The following CFAP97 variants were observed in gnomAD, a reference collection of about 807,000 sequenced individuals.
The protein encoded by CFAP97 is cilia and flagella associated protein 97.
CFAP97 carries 36 observed loss-of-function variants against 43.1 expected under a neutral mutation model. That is an observed-to-expected ratio of 0.84 (90% confidence interval 0.64 to 1.10). The LOEUF is 1.10. Ranked by LOEUF, CFAP97 falls within the 50% of genes least tolerant of loss-of-function variation. CFAP97 has a pLI of 0.00. For synonymous variants in CFAP97, 228 were observed against 225.7 expected (o/e 1.01, Z -0.09); for missense variants, 657 against 620.3 (o/e 1.06, Z -0.63).
chr4:185,175,645 T>C (rs1022905452), intron 3 of CFAP97, 141 bp downstream of exon 3: 19 of 717,152 alleles, frequency 2.6e-5, no homozygotes, highest in Non-Finnish European at 3.9e-5. Context: ...CAGCACATCA[T>C]ATGTTTCATA....
At chr4:185,192,735 T>G (rs1462915616) in intron 1 of CFAP97, among the ~76,000 whole-genome samples, 2 of 66,906 alleles carry the variant, frequency 3.0e-5, no homozygotes, top group Admixed American at 2.9e-4. Flanking sequence ...TTGACCTTCT[T>G]TTTTTTTTTT....
upstream of CFAP97, among the ~76,000 whole-genome samples, chr4:185,208,621 G>C (rs986366632): frequency 6.6e-6 from 1 of 151,862 alleles, no homozygotes; most frequent in Non-Finnish European, 1.5e-5. Context: ...CCAGCTACTC[G>C]GGAGGCTGAG....
chr4:185,191,915 T>TA (rs918019405), intron 1 of CFAP97, among the ~76,000 whole-genome samples: 51 of 151,302 alleles, frequency 3.4e-4, no homozygotes, highest in Middle Eastern at 3.4e-3. Context: ...AGGATAGAGT[T>TA]AAAAAAAAAC....
intron 3 of CFAP97, chr4:185,170,354 TA>T (rs1328280440): frequency 7.4e-6 from 4 of 538,042 alleles, no homozygotes; most frequent in Non-Finnish European, 1.3e-5. Flanking sequence ...AATAAATAAA[TA>T]AAATAAAGTT....
intron 1 of CFAP97, among the ~76,000 whole-genome samples, chr4:185,200,414 C>A (rs1019263294): frequency 1.3e-5 from 2 of 152,136 alleles, no homozygotes; most frequent in Non-Finnish European, 1.5e-5. Flanking sequence ...CTGTGGCAGG[C>A]AAATGACTTG....
At position 185,164,125 on chromosome 4, in the gene CFAP97, C is replaced by T; in HGVS notation, c.1375G>A (p.Glu459Lys). The T allele has an allele frequency of 6.2e-7, 1 of 1,613,844 alleles. No homozygotes were observed. Among genetic ancestry groups the T allele is most frequent in the Admixed American group, 1.7e-5 (1 of 60,018 alleles). ...TTGCGATGATAGTCCATCAGTTGTT[C>T]TGAACGTTTCATACCAACTGTTGGT... ...VKPTVGMKRS[E>K]QLMDYHRNMG... Residue 459 changes from glutamate to lysine, a missense_variant, in exon 4 of 5, where the codon GAA (glutamate) becomes AAA (lysine). By Grantham distance (56) the Glu-to-Lys change is moderately conservative. Transcript: ENST00000458385.
chr4:185,205,567 C>T (rs1461561911), upstream of CFAP97, among the ~76,000 whole-genome samples: 1 of 152,146 alleles, frequency 6.6e-6, no homozygotes, highest in Non-Finnish European at 1.5e-5. Flanking sequence ...CGGTGGCTCA[C>T]GTTTGTAATT....
At chr4:185,179,650 T>C in intron 2 of CFAP97, among the ~76,000 whole-genome samples, 1 of 152,170 alleles carries the variant, frequency 6.6e-6, no homozygotes, top group Non-Finnish European at 1.5e-5. Flanking sequence ...AGGCACCTGA[T>C]GTGAAAACAC....
upstream of CFAP97, chr4:185,204,534 C>T (rs527577889): frequency 5.3e-5 from 8 of 152,282 alleles, no homozygotes; most frequent in South Asian, 1.7e-3. Flanking sequence ...AATAACTTCT[C>T]GTTGAACTCT....
At chr4:185,205,327 G>A (rs1431321442), upstream of CFAP97, among the ~76,000 whole-genome samples, 1 of 152,078 alleles carries the variant, frequency 6.6e-6, no homozygotes, top group African/African-American at 2.4e-5. Flanking sequence ...GGTGACGTGA[G>A]CCTGTAGTCC....
intron 2 of CFAP97, among the ~76,000 whole-genome samples, chr4:185,186,436 A>C (rs567858831): frequency 2.2e-4 from 34 of 152,206 alleles, no homozygotes; most frequent in Non-Finnish European, 3.8e-4. Flanking sequence ...CTGTCTCAAA[A>C]AACAACAACA....
chr4:185,184,487 G>A (rs1239871824), intron 2 of CFAP97, among the ~76,000 whole-genome samples: 2 of 152,164 alleles, frequency 1.3e-5, no homozygotes, highest in Admixed American at 6.5e-5. Context: ...AAGAGTCAGA[G>A]AAGAGACACT....
chr4:185,164,240 A>AT, intron 3 of CFAP97, 61 bp from the exon 4 acceptor site: 1 of 1,482,604 alleles, frequency 6.7e-7, no homozygotes, highest in East Asian at 2.3e-5. Flanking sequence ...TTAACAAGGC[A>AT]ATACATTCTA....
rs1260147449 is a variant in CFAP97 at position 185,190,871 on chromosome 4, C to T, written c.326G>A (p.Gly109Glu). The T allele has an allele frequency of 5.6e-6, 9 of 1,612,356 alleles. No individual in the cohort carries two copies. The highest frequency in any genetic ancestry group is 6.8e-6 in the Non-Finnish European group (8 of 1,179,072). ...RSKKLCDVTT[G>E]LKIHVSIPNR... ...TGGAATGGACACGTGTATTTTAAGT[C>T]CTGTTGTAACATCACACAATTTTTT... Residue 109 changes from glycine (G) to glutamate (E), a missense_variant, in exon 2 of 5, where the codon GGA becomes GAA. By Grantham distance (98) the Gly-to-Glu change is moderately conservative. Transcript: ENST00000458385.
At chr4:185,183,631 G>A (rs1351149813) in intron 2 of CFAP97, among the ~76,000 whole-genome samples, 1 of 152,218 alleles carries the variant, frequency 6.6e-6, no homozygotes, top group Non-Finnish European at 1.5e-5. Flanking sequence ...AATCGAGCAT[G>A]AATGATAATT....
intron 3 of CFAP97, among the ~76,000 whole-genome samples, chr4:185,173,190 C>G (rs113723944): frequency 6.6e-6 from 1 of 151,732 alleles, no homozygotes; most frequent in Non-Finnish European, 1.5e-5. Flanking sequence ...GGTGAAACCC[C>G]ATCTCTACTA....
intron 1 of CFAP97, among the ~76,000 whole-genome samples, chr4:185,201,231 C>A (rs1579272529): frequency 6.7e-6 from 1 of 149,274 alleles, no homozygotes. Context: ...GAGGCTGAGG[C>A]AGGAGAATCT....
At chr4:185,186,599 A>C (rs1168981583) in intron 2 of CFAP97, among the ~76,000 whole-genome samples, 1 of 152,234 alleles carries the variant, frequency 6.6e-6, no homozygotes, top group East Asian at 1.9e-4. Flanking sequence ...GATTATAAGC[A>C]GAAGCTGATT....
intron 3 of CFAP97, among the ~76,000 whole-genome samples, chr4:185,170,638 T>A (rs1433482533): frequency 6.6e-6 from 1 of 151,388 alleles, no homozygotes; most frequent in Non-Finnish European, 1.5e-5. Context: ...GGTCTCCAAC[T>A]CCTGACCTCA....
Sources: allele counts gnomAD v4.1 joint callset (sites outside exome capture counted in the v4.1 genomes callset), GRCh38; gene constraint gnomAD v4.1.1; transcripts MANE v1.5; gene names NCBI Gene and HGNC (gene_info 2026-07-23, HGNC 2026-07-21).